Variants in ASB1 observed in about 807,000 individuals in gnomAD.
ASB1 encodes ankyrin repeat and SOCS box containing 1.
ASB1 carries 18 observed loss-of-function variants against 27.7 expected under a neutral mutation model. The ratio of observed to expected loss-of-function variants is 0.65; its 90% CI spans 0.45 to 0.96. The LOEUF (loss-of-function observed/expected upper bound fraction) is 0.96, where lower values mean the gene tolerates loss of function less well. Among genes scored for constraint, ASB1 ranks in the 50% least tolerant of loss-of-function variants. The probability of loss-of-function intolerance (pLI) is 0.00; values close to 1 mark genes in which losing one functional copy is unlikely to be tolerated. For missense variants in ASB1, 397 were observed against 451.7 expected, an observed-to-expected ratio of 0.88 and a Z score of 1.10; for synonymous variants, 189 against 187.6, an observed-to-expected ratio of 1.01 and a Z score of -0.06.
chr2:238,427,067 A>G lies in ASB1; in HGVS notation c.-4A>G, dbSNP rs1445961784. 4 of 1,263,160 alleles carry G rather than the reference A, an allele frequency of 3.2e-6. No individual in the cohort carries two copies. Among genetic ancestry groups the G allele is most frequent in the Non-Finnish European group, 4.0e-6 (4 of 1,005,348 alleles). The allele number at this position is 1,263,160 out of a possible 1,614,324, so 78.2% of individuals were successfully genotyped here. Reference sequence around the variant, plus strand: ...CAGGGGCGGCCGCGGAGGCGGAAGCATCCATGGCGGAGGGCGGCAGCCCAG... The same window carrying G: ...CAGGGGCGGCCGCGGAGGCGGAAGCGTCCATGGCGGAGGGCGGCAGCCCAG... On this transcript the variant is annotated 5_prime_UTR_variant, in exon 1 of 5. Coordinates refer to ENST00000264607, the MANE Select transcript of ASB1 (RefSeq NM_001040445.3).
At chr2:238,438,638 T>C (rs1352958958) in intron 3 of ASB1, among the ~76,000 whole-genome samples, 1 of 152,240 alleles carries the variant, frequency 6.6e-6, no homozygotes, top group African/African-American at 2.4e-5. Flanking sequence ...TCTAAGATAA[T>C]TGACACTTGG....
At chr2:238,435,677 G>C in intron 2 of ASB1, 34 bp from the exon 3 acceptor site, 1 of 1,584,998 alleles carries the variant, frequency 6.3e-7, no homozygotes, top group Non-Finnish European at 8.6e-7. Flanking sequence ...TCCTGCGGCT[G>C]CCTCTCATGA....
chr2:238,433,998 T>G (rs1701920185), intron 2 of ASB1, among the ~76,000 whole-genome samples: 1 of 152,184 alleles, frequency 6.6e-6, no homozygotes, highest in South Asian at 2.1e-4. Flanking sequence ...TACCACTGTT[T>G]CCCTCTTCAG....
chr2:238,439,796 C>A (rs1316509016), intron 3 of ASB1, among the ~76,000 whole-genome samples: 1 of 152,178 alleles, frequency 6.6e-6, no homozygotes, highest in Admixed American at 6.5e-5. Flanking sequence ...CCGATACTCA[C>A]TTCCGTTATT....
chr2:238,427,001 C>T lies in ASB1; in HGVS notation c.-70C>T. ...CATTGCCCTCGGCGCCGGAAGTGGT[C>T]GCGGGTCGTTCTGCTTCCTGCCCGA... On this transcript the variant is annotated 5_prime_UTR_variant, in exon 1 of 5. Coordinates refer to ENST00000264607, the MANE Select transcript of ASB1 (RefSeq NM_001040445.3). The T allele has an allele frequency of 2.5e-6, 3 of 1,189,406 alleles. No individual in the cohort carries two copies. The highest frequency in any genetic ancestry group is 3.2e-6 in the Non-Finnish European group (3 of 949,500). The allele number at this position is 1,189,406 out of a possible 1,614,324, so 73.7% of individuals were successfully genotyped here.
intron 1 of ASB1, among the ~76,000 whole-genome samples, chr2:238,428,474 A>G (rs1426839037): frequency 6.6e-6 from 1 of 152,112 alleles, no homozygotes; most frequent in African/African-American, 2.4e-5. Flanking sequence ...ATTTTAGTAG[A>G]GACGGGGCTT....
Position 238,452,063 on chromosome 2 carries a change from G to A in ASB1, c.*5552G>A, listed in dbSNP as rs1388331461. On this transcript the variant is annotated 3_prime_UTR_variant, in exon 5 of 5. Coordinates refer to ENST00000264607, the MANE Select transcript of ASB1 (RefSeq NM_001040445.3). ...AGTGTTTGAAACCTGTGGCTTTCAA[G>A]CAAGGTACCGTTGTCCCCACAGTGT... 1 of 152,172 alleles carries A rather than the reference G, an allele frequency of 6.6e-6. No individual in the cohort carries two copies. The highest frequency in any genetic ancestry group is 6.5e-5 in the Admixed American group (1 of 15,268). 9.4% of individuals were successfully genotyped at this position (152,172 alleles called of 1,614,324 possible).
At chr2:238,434,325 A>G (rs940786131) in intron 2 of ASB1, among the ~76,000 whole-genome samples, 12 of 152,160 alleles carry the variant, frequency 7.9e-5, no homozygotes, top group Admixed American at 4.6e-4. Flanking sequence ...GGGGGAGCAG[A>G]GTCTGCTTGC....
At chr2:238,430,217 C>T (rs185432770) in intron 1 of ASB1, among the ~76,000 whole-genome samples, 148 of 152,230 alleles carry the variant, frequency 9.7e-4, no homozygotes, top group Admixed American at 9.7e-3. Flanking sequence ...GGCATTTTAC[C>T]CACAGTAGCG....
chr2:238,431,696 A>C (rs1701873833), intron 1 of ASB1, among the ~76,000 whole-genome samples: 1 of 152,230 alleles, frequency 6.6e-6, no homozygotes, highest in African/African-American at 2.4e-5. Context: ...TTGTAGGGTT[A>C]TTAATTAGCC....
At chr2:238,440,090 G>T (rs1023099736) in intron 3 of ASB1, among the ~76,000 whole-genome samples, 4 of 152,150 alleles carry the variant, frequency 2.6e-5, no homozygotes, top group African/African-American at 9.7e-5. Context: ...CATGACCTTA[G>T]TCATTCTGTG....
intron 1 of ASB1, among the ~76,000 whole-genome samples, chr2:238,431,396 G>A (rs1371692782): frequency 1.3e-5 from 2 of 152,246 alleles, no homozygotes; most frequent in Non-Finnish European, 1.5e-5. Context: ...TGGCCTAAGG[G>A]AATGTTGTGG....
chr2:238,435,739 T>C lies in ASB1; in HGVS notation c.220T>C (p.Cys74Arg), dbSNP rs1311940058. 1 of 1,613,984 alleles carries C rather than the reference T, an allele frequency of 6.2e-7. No homozygotes were observed. The highest frequency in any genetic ancestry group is 8.5e-7 in the Non-Finnish European group (1 of 1,179,916). Residue 74 changes from cysteine (C) to arginine (R), a missense_variant, in exon 3 of 5, where the codon TGT (cysteine) becomes CGT (arginine). Cys to Arg is a radical substitution (Grantham distance 180). Coordinates refer to ENST00000264607, the MANE Select transcript of ASB1 (RefSeq NM_001040445.3). ...CATCAACGAGAAGTCTGTCTGGTGC[T>C]GTGGCTGGCTCCCCTGCACACCGTT... ...SRINEKSVWC[C>R]GWLPCTPLRI...
chr2:238,437,473 G>A (rs901321989), intron 3 of ASB1, among the ~76,000 whole-genome samples: 10 of 152,014 alleles, frequency 6.6e-5, no homozygotes, highest in Admixed American at 2.6e-4. Flanking sequence ...CTCGTGATCC[G>A]CCCGCCTCGG....
intron 4 of ASB1, 84 bp downstream of exon 4, chr2:238,444,811 C>G (rs1702147273): frequency 6.9e-7 from 1 of 1,457,022 alleles, no homozygotes; most frequent in Non-Finnish European, 9.1e-7. Flanking sequence ...AAACAAAAAC[C>G]TCCACCTGAG....
chr2:238,438,199 A>ATTT (rs57391955), intron 3 of ASB1, among the ~76,000 whole-genome samples: 2 of 98,194 alleles, frequency 2.0e-5, no homozygotes, highest in African/African-American at 4.1e-5. Context: ...GATGCCCTTC[A>ATTT]TTTTTTTTTT....
intron 1 of ASB1, among the ~76,000 whole-genome samples, chr2:238,432,187 C>T (rs2106402972): frequency 6.6e-6 from 1 of 152,256 alleles, no homozygotes; most frequent in Non-Finnish European, 1.5e-5. Flanking sequence ...TAGGGTAGGT[C>T]TTTTCTCTGT....
At chr2:238,432,066 G>T (rs1285064245) in intron 1 of ASB1, among the ~76,000 whole-genome samples, 1 of 152,190 alleles carries the variant, frequency 6.6e-6, no homozygotes, top group Non-Finnish European at 1.5e-5. Flanking sequence ...TTGATAAAGT[G>T]AAATGCAGTG....
chr2:238,430,943 T>C (rs1485695678), intron 1 of ASB1, among the ~76,000 whole-genome samples: 2 of 152,212 alleles, frequency 1.3e-5, no homozygotes, highest in Non-Finnish European at 2.9e-5. Flanking sequence ...GCTTTGTTGA[T>C]CCATTTATAG....
Sources: allele counts gnomAD v4.1 joint callset (sites outside exome capture counted in the v4.1 genomes callset), GRCh38; gene constraint gnomAD v4.1.1; transcripts MANE v1.5; gene names NCBI Gene and HGNC (gene_info 2026-07-23, HGNC 2026-07-21).